NCOA4: variants seen among roughly 807,000 people sequenced by gnomAD.
NCOA4 encodes the protein nuclear receptor coactivator 4.
Under a neutral mutation model 69.5 loss-of-function variants are expected in NCOA4, and 31 were observed. The ratio of observed to expected loss-of-function variants is 0.45; its 90% confidence interval spans 0.34 to 0.60. NCOA4 has a LOEUF of 0.60. Among genes scored for constraint, NCOA4 ranks in the 20% least tolerant of loss-of-function variants. The probability of loss-of-function intolerance (pLI) is 0.02; values close to 1 mark genes in which losing one functional copy is unlikely to be tolerated. For synonymous variants in NCOA4, 228 were observed against 252.4 expected (o/e 0.90, Z 0.92); for missense variants, 600 against 719.2 (o/e 0.83, Z 1.90).
At chr10:46,022,979 A>T (rs1839972383) in intron 1 of NCOA4, among the ~76,000 whole-genome samples, 1 of 152,236 alleles carries the variant, frequency 6.6e-6, no homozygotes. Flanking sequence ...TTTAAGATTT[A>T]ACACTTCAGA....
Position 46,015,127 on chromosome 10 carries a change from G to A in NCOA4, c.281C>T (p.Ser94Leu), listed in dbSNP as rs782517064. Residue 94 changes from serine (S) to leucine (L), a missense_variant and splice_region_variant, in exon 3 of 10, where the codon TCG becomes TTG. Transcript: ENST00000581486. ...TLQQQAQQLY[S>L]LLGQFNCLTH... ...ATTCTAGCCATGCAGTCACCTTACC[G>A]AGTAGAGCTGCTGAGCCTGCTGTTG... The A allele has an allele frequency of 7.4e-6, 12 of 1,614,048 alleles. No individual in the cohort carries two copies. The highest frequency in any genetic ancestry group is 1.6e-4 in the Middle Eastern group (1 of 6,084).
chr10:46,014,843 A>G lies in NCOA4; in HGVS notation c.371+11T>C, dbSNP rs1038842869. 2 of 1,606,676 alleles carry G rather than the reference A, an allele frequency of 1.2e-6. No homozygotes were observed. The highest frequency in any genetic ancestry group is 2.7e-5 in the African/African-American group (2 of 74,594). The stretch of plus-strand genomic sequence containing the variant: ...GAGTCAAAAGTTAAAATACGCAAAA[A>G]GGGTCATTACCTCTCCAGGCACACA... On this transcript the variant is annotated intron_variant, in intron 4 of 9. Transcript: ENST00000581486.
chr10:46,019,355 T>A (rs1253021779), intron 1 of NCOA4: 8 of 985,480 alleles, frequency 8.1e-6, no homozygotes, highest in Non-Finnish European at 8.4e-6. Context: ...CGGCTCCGAT[T>A]TGGAGAGCTG....
At chr10:46,013,469 A>G in intron 6 of NCOA4, 81 bp downstream of exon 6, 1 of 1,031,020 alleles carries the variant, frequency 9.7e-7, no homozygotes, top group Non-Finnish European at 1.5e-6. Flanking sequence ...AAATAGTAGC[A>G]TTTTTTTAAT....
Position 46,010,884 on chromosome 10 carries a change from GAGTC to G in NCOA4, c.1033_1036del (p.Asp345ProfsTer21). On this transcript the variant is annotated frameshift_variant, in exon 8 of 10. Coordinates refer to ENST00000581486, the MANE Select transcript of NCOA4 (RefSeq NM_001145263.2). LOFTEE classifies it high-confidence loss of function. ...CTGGTTTCCCTGACAGTTGGTACAGGAGTCAGTCTTGACAAGCCAATCATTCACA... is the reference window on the plus strand; with the variant it reads ...CTGGTTTCCCTGACAGTTGGTACAGGAGTCTTGACAAGCCAATCATTCACA... 6.2e-7 allele frequency: 1 copy of G among 1,613,942 alleles called. No individual in the cohort carries two copies. The highest frequency in any genetic ancestry group is 2.2e-5 in the East Asian group (1 of 44,876).
chr10:46,029,052 G>C (rs1840316264), intron 1 of NCOA4, among the ~76,000 whole-genome samples: 1 of 151,744 alleles, frequency 6.6e-6, no homozygotes, highest in Admixed American at 6.6e-5. Context: ...AAAAAAAGGG[G>C]GGGGTGAGGG....
At chr10:46,028,238 G>C (rs1266589779) in intron 1 of NCOA4, among the ~76,000 whole-genome samples, 1 of 152,090 alleles carries the variant, frequency 6.6e-6, no homozygotes, top group Non-Finnish European at 1.5e-5. Flanking sequence ...ATTTTTAAAA[G>C]TCTTGCCTCC....
At chr10:46,024,014 C>G (rs1216262713) in intron 1 of NCOA4, among the ~76,000 whole-genome samples, 1 of 152,136 alleles carries the variant, frequency 6.6e-6, no homozygotes, top group Non-Finnish European at 1.5e-5. Context: ...AGCAAAATCA[C>G]ATGAGAAACA....
At chr10:46,014,751 C>A (rs970945479) in intron 4 of NCOA4, 103 bp downstream of exon 4, 2 of 950,568 alleles carry the variant, frequency 2.1e-6, no homozygotes, top group Non-Finnish European at 3.2e-6. Flanking sequence ...CCTAGCAACA[C>A]AGAAGTTAAA....
intron 2 of NCOA4, 60 bp downstream of exon 2, chr10:46,016,480 T>C: frequency 7.4e-7 from 1 of 1,345,112 alleles, no homozygotes; most frequent in East Asian, 2.7e-5. Flanking sequence ...TCCTTGGCCA[T>C]GCTCAAATCA....
intron 2 of NCOA4, among the ~76,000 whole-genome samples, chr10:46,015,812 C>G (rs1839507311): frequency 6.6e-6 from 1 of 152,226 alleles, no homozygotes; most frequent in Non-Finnish European, 1.5e-5. Context: ...AGATGTGCCA[C>G]CACATGTCAA....
At chr10:46,008,222 T>C (rs1385524695) in intron 9 of NCOA4, among the ~76,000 whole-genome samples, 2 of 152,244 alleles carry the variant, frequency 1.3e-5, no homozygotes, top group Non-Finnish European at 2.9e-5. Context: ...TCAAGTATTA[T>C]TTAAGAAATA....
intron 1 of NCOA4, among the ~76,000 whole-genome samples, chr10:46,025,412 C>T (rs1840107557): frequency 6.6e-6 from 1 of 152,158 alleles, no homozygotes; most frequent in South Asian, 2.1e-4. Flanking sequence ...AGACACACCC[C>T]AAAATAACAT....
rs561516928 is a variant in NCOA4 at position 46,010,875 on chromosome 10, T to C, written c.1046A>G (p.Asn349Ser). The change falls in exon 8 of 10, where the codon AAC becomes AGC. Residue 349 changes from asparagine (N) to serine (S), a missense_variant. Transcript: ENST00000581486. ...ACCTTTGGGCTGGTTTCCCTGACAGTTGGTACAGGAGTCAGTCTTGACAAG... is the reference window on the plus strand; with the variant it reads ...ACCTTTGGGCTGGTTTCCCTGACAGCTGGTACAGGAGTCAGTCTTGACAAG... ...DWLVKTDSCT[N>S]CQGNQPKGVE... The C allele has an allele frequency of 3.7e-5, 60 of 1,613,960 alleles. No individual in the cohort carries two copies. The highest frequency in any genetic ancestry group is 3.3e-4 in the Admixed American group (20 of 60,018).
chr10:46,007,992 G>A (rs1838954742), intron 9 of NCOA4, among the ~76,000 whole-genome samples: 1 of 152,196 alleles, frequency 6.6e-6, no homozygotes, highest in African/African-American at 2.4e-5. Context: ...AAGCTTGGAT[G>A]ACAGCGCACC....
At chr10:46,007,849 A>C (rs1462688070) in intron 9 of NCOA4, among the ~76,000 whole-genome samples, 1 of 152,082 alleles carries the variant, frequency 6.6e-6, no homozygotes. Context: ...TCTGCCTCCC[A>C]AAGTGCTGGA....
In NCOA4 at chr10:46,016,522, G is replaced by C. The variant is rs782605979; in HGVS notation, c.141+18C>G. 3 of 1,451,196 alleles carry C rather than the reference G, an allele frequency of 2.1e-6. No homozygotes were observed. The highest frequency in any genetic ancestry group is 1.8e-6 in the Non-Finnish European group (2 of 1,084,992). 89.9% of individuals were successfully genotyped at this position (1,451,196 alleles called of 1,614,324 possible). On this transcript the variant is annotated intron_variant, in intron 2 of 9. Transcript: ENST00000581486. ...TGTCAAGAGTCCAGACAACAGAAGA[G>C]AAAAGCACATGTCACACCTCTCGCA...
rs147602077 is a variant in NCOA4, at chr10:46,006,366, A to G, written c.*226T>C. Reference sequence around the variant, plus strand: ...GTGGGGTGAATTAAAATACTTCTGTAAGAAGGAGGGAACTGAATCACCTCA... The same window carrying G: ...GTGGGGTGAATTAAAATACTTCTGTGAGAAGGAGGGAACTGAATCACCTCA... On this transcript the variant is annotated 3_prime_UTR_variant, in exon 10 of 10. Coordinates refer to ENST00000581486, the MANE Select transcript of NCOA4 (RefSeq NM_001145263.2). 3.0e-3 allele frequency: 1,596 copies of G among 540,014 alleles called. 5 individuals are homozygous for G. Among genetic ancestry groups the G allele is most frequent in the Non-Finnish European group, 4.5e-3 (1,335 of 299,282 alleles). The allele number at this position is 540,014 out of a possible 1,614,324, so 33.5% of individuals were successfully genotyped here. A position where few individuals can be genotyped will look rare whatever the true frequency, so the allele number is the denominator to read the frequency against.
chr10:46,015,755 A>G (rs1336726860), intron 2 of NCOA4, among the ~76,000 whole-genome samples: 3 of 152,202 alleles, frequency 2.0e-5, no homozygotes, highest in African/African-American at 4.8e-5. Context: ...CTCTTTTCTC[A>G]CCCCACAGAA....
Sources: gnomAD v4.1 joint callset for allele counts (sites outside exome capture counted in the v4.1 genomes callset) on GRCh38, gnomAD v4.1.1 for gene constraint, MANE v1.5 for transcripts, NCBI Gene and HGNC (gene_info 2026-07-23, HGNC 2026-07-21) for gene names.